PARD3B: variants seen among roughly 807,000 people sequenced by gnomAD.
PARD3B encodes the protein partitioning defective 3 homolog B.
PARD3B carries 103 observed loss-of-function variants against 130.2 expected under a neutral mutation model. The observed-to-expected ratio is 0.79, with a 90% CI of 0.67 to 0.93. The LOEUF is 0.93. PARD3B is among the 40% of genes least tolerant of loss of function. The probability of loss-of-function intolerance (pLI) is 0.00; values close to 1 mark genes in which losing one functional copy is unlikely to be tolerated. For missense variants in PARD3B, 1,609 were observed against 1,499.2 expected (o/e 1.07, Z -1.21); for synonymous variants, 583 against 553.2 (o/e 1.05, Z -0.76).
intron 1 of PARD3B, among the ~76,000 whole-genome samples, chr2:204,594,803 AGAAATTAAAAAGTACTT>A (rs1383732760): frequency 6.6e-6 from 1 of 152,232 alleles, no homozygotes; most frequent in African/African-American, 2.4e-5. Flanking sequence ...CGTATAACAA[AGAAATTAAAAAGTACTT>A]GAAATTCTGC....
intron 3 of PARD3B, among the ~76,000 whole-genome samples, chr2:204,984,487 G>A (rs1296478481): frequency 2.0e-5 from 3 of 152,062 alleles, no homozygotes; most frequent in Admixed American, 2.0e-4. Context: ...GGGCCCTTAG[G>A]AGAAGTAGAT....
chr2:205,300,535 C>T lies in PARD3B; in HGVS notation c.2191C>T (p.Pro731Ser). The T allele has an allele frequency of 6.2e-7, 1 of 1,613,100 alleles. No individual in the cohort carries two copies. Among genetic ancestry groups the T allele is most frequent in the South Asian group, 1.1e-5 (1 of 91,018 alleles). The stretch of plus-strand genomic sequence containing the variant: ...TTTTGCCCTTTCTTTTCCAGAATCT[C>T]CAAGCAAAGATTTTGGTCCAACTCT... The part of the protein sequence containing the change: ...HSLAGQKSES[P>S]SKDFGPTLGL... The change falls in exon 17 of 23, where the codon CCA (proline) becomes TCA (serine). Residue 731 changes from proline (P) to serine (S), a missense_variant. Transcript: ENST00000406610. This position sits in a 1 kb window ranked among gnomAD's most constrained non-coding sequence, Gnocchi z 4.1.
At chr2:204,976,370 G>A (rs1692150974) in intron 3 of PARD3B, among the ~76,000 whole-genome samples, 1 of 152,094 alleles carries the variant, frequency 6.6e-6, no homozygotes, top group South Asian at 2.1e-4. Flanking sequence ...CACTGAGTCT[G>A]TTTCCTCACC....
chr2:205,339,746 T>C (rs946084943), intron 18 of PARD3B, among the ~76,000 whole-genome samples: 10 of 152,088 alleles, frequency 6.6e-5, no homozygotes, highest in Non-Finnish European at 1.3e-4. Context: ...GCGCTATAAG[T>C]TGTGCTTTAA....
chr2:205,578,867 C>A (rs1166616759), intron 22 of PARD3B, among the ~76,000 whole-genome samples: 1 of 152,096 alleles, frequency 6.6e-6, no homozygotes, highest in African/African-American at 2.4e-5. Context: ...AAGCTTTTCC[C>A]AACCAGAAAG....
intron 18 of PARD3B, among the ~76,000 whole-genome samples, chr2:205,330,428 C>T (rs1054856489): frequency 6.6e-6 from 1 of 152,178 alleles, no homozygotes; most frequent in African/African-American, 2.4e-5. Context: ...CTTGCAACAA[C>T]AGCCAGCCCT....
chr2:204,853,785 AG>A (rs2044807296), intron 2 of PARD3B, among the ~76,000 whole-genome samples: 1 of 152,238 alleles, frequency 6.6e-6, no homozygotes, highest in African/African-American at 2.4e-5. Flanking sequence ...TTGCCCATAT[AG>A]GCCTCATTCT....
At chr2:205,602,718 C>T (rs1171635542) in intron 22 of PARD3B, among the ~76,000 whole-genome samples, 1 of 152,138 alleles carries the variant, frequency 6.6e-6, no homozygotes, top group Non-Finnish European at 1.5e-5. Context: ...GTGTTATCCC[C>T]TTTATCATTT....
At chr2:204,783,733 C>T (rs184169789) in intron 2 of PARD3B, among the ~76,000 whole-genome samples, 41 of 152,228 alleles carry the variant, frequency 2.7e-4, no homozygotes, top group South Asian at 2.1e-4. Context: ...CTCAAAGGCA[C>T]AGTAGTAAGG....
chr2:204,877,474 T>C (rs2045889439), intron 2 of PARD3B, among the ~76,000 whole-genome samples: 1 of 152,164 alleles, frequency 6.6e-6, no homozygotes, highest in Admixed American at 6.5e-5. Flanking sequence ...TTTTCCCATA[T>C]GTGAGTTATG....
At chr2:205,544,245 C>G (rs747219228) in intron 21 of PARD3B, among the ~76,000 whole-genome samples, 2 of 151,546 alleles carry the variant, frequency 1.3e-5, no homozygotes, top group Non-Finnish European at 2.9e-5. Flanking sequence ...AATGCTTTTC[C>G]TAATGCCTTT....
At chr2:204,817,064 A>C (rs1327477183) in intron 2 of PARD3B, among the ~76,000 whole-genome samples, 1 of 152,020 alleles carries the variant, frequency 6.6e-6, no homozygotes, top group Non-Finnish European at 1.5e-5. Flanking sequence ...TTATCTCTAG[A>C]AGTTTGTTGG....
At chr2:205,040,442 T>C (rs1451594079) in intron 3 of PARD3B, among the ~76,000 whole-genome samples, 8 of 152,212 alleles carry the variant, frequency 5.3e-5, no homozygotes. Flanking sequence ...TATAGTCTTT[T>C]TGTACCATAT....
intron 22 of PARD3B, among the ~76,000 whole-genome samples, chr2:205,594,377 C>T (rs1408410211): frequency 1.3e-5 from 2 of 152,184 alleles, no homozygotes; most frequent in African/African-American, 2.4e-5. Flanking sequence ...CCTCTCAGGA[C>T]ACTTCCCCTC....
At chr2:205,434,473 GA>G (rs1324907942) in intron 19 of PARD3B, among the ~76,000 whole-genome samples, 1 of 152,066 alleles carries the variant, frequency 6.6e-6, no homozygotes, top group Admixed American at 6.6e-5. Context: ...AGAAGGTCTA[GA>G]AAAAATCATA....
At chr2:205,583,416 T>C (rs80139211) in intron 22 of PARD3B, among the ~76,000 whole-genome samples, 1 of 18,168 alleles carries the variant, frequency 5.5e-5, no homozygotes, top group African/African-American at 7.2e-5. Context: ...CGCACGCGCG[T>C]GTGAGAGAGA....
At position 204,754,078 on chromosome 2, in the gene PARD3B, A is replaced by G. The variant is rs538338179; in HGVS notation, c.222+67796A>G. 4.6e-4 allele frequency among the ~76,000 whole-genome samples: 70 copies of G among 152,228 alleles called. 1 individual carries two copies. Among genetic ancestry groups the G allele is most frequent in the African/African-American group, 1.6e-3 (65 of 41,550 alleles). ...CTTTCTATTTGCCTGCTGGGATTCT[A>G]GCATTGAGGATAGCCTCTGAAAAAC... is the stretch of plus-strand genomic sequence containing the variant. On this transcript the variant is annotated intron_variant, in intron 2 of 22. Transcript: ENST00000406610.
intron 2 of PARD3B, among the ~76,000 whole-genome samples, chr2:204,829,593 C>G (rs539555560): frequency 6.6e-6 from 1 of 152,126 alleles, no homozygotes; most frequent in African/African-American, 2.4e-5. Context: ...GAATTGTAAT[C>G]CCCAGTGTTG....
chr2:204,931,511 G>A (rs186285005), intron 2 of PARD3B, among the ~76,000 whole-genome samples: 1 of 151,742 alleles, frequency 6.6e-6, no homozygotes, highest in African/African-American at 2.4e-5. Context: ...AATTAGTTGA[G>A]TTTGGAAAAC....
Sources: allele counts gnomAD v4.1 joint callset (sites outside exome capture counted in the v4.1 genomes callset), GRCh38; gene constraint gnomAD v4.1.1; non-coding constraint Gnocchi (gnomAD v3.1); transcripts MANE v1.5; gene names NCBI Gene and HGNC (gene_info 2026-07-23, HGNC 2026-07-21).